ASCC3: variants seen among roughly 807,000 people sequenced by gnomAD.
ASCC3 encodes activating signal cointegrator 1 complex subunit 3, also known as ASC-1 complex subunit P200.
In ASCC3, 158 loss-of-function variants were observed where a neutral mutation model predicts 256.3. That is an observed-to-expected ratio of 0.62 (90% confidence interval 0.54 to 0.70). ASCC3 has a LOEUF of 0.70. ASCC3 is among the 30% of genes least tolerant of loss of function. The pLI is 0.00. For synonymous variants in ASCC3, 948 were observed against 883.4 expected (o/e 1.07, Z -1.30); for missense variants, 2,259 against 2,626.0 (o/e 0.86, Z 3.05).
chr6:100,800,187 C>T (rs1326211274), intron 6 of ASCC3, 113 bp downstream of exon 6: 10 of 1,141,144 alleles, frequency 8.8e-6, no homozygotes, highest in African/African-American at 1.5e-5. Context: ...ATGAAGAAAA[C>T]GTGACTTGAA....
At chr6:100,770,592 G>A (rs1042772949) in intron 8 of ASCC3, among the ~76,000 whole-genome samples, 2 of 151,848 alleles carry the variant, frequency 1.3e-5, no homozygotes, top group Non-Finnish European at 2.9e-5. Context: ...GTAAAAAATC[G>A]GATGGAATCT....
At chr6:100,531,471 G>A (rs1372484352) in intron 37 of ASCC3, among the ~76,000 whole-genome samples, 4 of 152,036 alleles carry the variant, frequency 2.6e-5, no homozygotes, top group Admixed American at 2.0e-4. Flanking sequence ...CTTAAACTAC[G>A]CTTTGGGCTA....
chr6:100,646,613 A>C lies in ASCC3; in HGVS notation c.3633+2T>G, dbSNP rs1191971068. On this transcript the variant is annotated splice_donor_variant, in intron 22 of 41. Transcript: ENST00000369162. LOFTEE classifies it high-confidence loss of function. ...ACAGATATAGCCGTTTTCCACTTCT[A>C]CCTGATCATTCCAAGTGAAATCAGC... The C allele has an allele frequency of 1.2e-6, 2 of 1,614,092 alleles. No individual in the cohort carries two copies. The highest frequency in any genetic ancestry group is 1.7e-6 in the Non-Finnish European group (2 of 1,179,970).
At chr6:100,653,022 C>G in intron 17 of ASCC3, 133 bp from the exon 18 acceptor site, 1 of 787,428 alleles carries the variant, frequency 1.3e-6, no homozygotes, top group South Asian at 1.8e-5. Context: ...TTTTAAAGTA[C>G]ATTTTTCTAC....
In ASCC3 at chr6:100,586,147, A is replaced by G. The variant is rs184169519; in HGVS notation, c.5550+3487T>C. 2.4e-4 allele frequency among the ~76,000 whole-genome samples: 36 copies of G among 152,282 alleles called. 1 individual carries two copies. In the East Asian group the frequency reaches 6.6e-3, roughly 28 times the overall value. On this transcript the variant is annotated intron_variant, in intron 36 of 41. Transcript: ENST00000369162. ...AGGGACATTTAAGTCTGCAGACGTTACTGCTATCTTTTTGTTTGTCTGTGC... is the reference window on the plus strand; with the variant it reads ...AGGGACATTTAAGTCTGCAGACGTTGCTGCTATCTTTTTGTTTGTCTGTGC...
chr6:100,682,531 G>T (rs1036040288), intron 13 of ASCC3, among the ~76,000 whole-genome samples: 1 of 152,180 alleles, frequency 6.6e-6, no homozygotes, highest in Admixed American at 6.5e-5. Context: ...AAGATAACAT[G>T]TGGATAACGT....
intron 37 of ASCC3, among the ~76,000 whole-genome samples, chr6:100,528,236 C>T (rs184813692): frequency 1.3e-5 from 2 of 152,188 alleles, no homozygotes; most frequent in East Asian, 3.9e-4. Flanking sequence ...AAATATAATA[C>T]TAGCTATGTG....
chr6:100,646,820 A>G (rs1328124240), intron 21 of ASCC3, 51 bp from the exon 22 acceptor site: 7 of 1,563,270 alleles, frequency 4.5e-6, no homozygotes, highest in South Asian at 2.2e-5. Context: ...GAAAAAAGCA[A>G]TATAATCTGA....
chr6:100,776,834 CTTAAGT>C (rs1434519606), intron 8 of ASCC3, among the ~76,000 whole-genome samples: 2 of 151,754 alleles, frequency 1.3e-5, no homozygotes, highest in African/African-American at 4.8e-5. Flanking sequence ...ATATCATAAG[CTTAAGT>C]TTAAGATAAT....
At chr6:100,530,838 A>G in intron 37 of ASCC3, 2 of 1,243,970 alleles carry the variant, frequency 1.6e-6, no homozygotes, top group Non-Finnish European at 2.4e-6. Context: ...AGTGCTTAAT[A>G]GAAGATTTAA....
intron 1 of ASCC3, among the ~76,000 whole-genome samples, chr6:100,880,435 T>C (rs903356716): frequency 1.2e-4 from 18 of 152,220 alleles, no homozygotes; most frequent in Admixed American, 7.2e-4. Flanking sequence ...GCCCCTAGAA[T>C]TATGCTTCTT....
At position 100,733,584 on chromosome 6, in the gene ASCC3, T is replaced by C. The variant is rs192985891; in HGVS notation, c.1738-7881A>G. ...TTGAACTTTCCAGCCACCAGAATTA[T>C]GAGCCAAATAAATACCTTTTCTTTA... is the stretch of plus-strand genomic sequence containing the variant. On this transcript the variant is annotated intron_variant, in intron 10 of 41. Coordinates refer to ENST00000369162, the MANE Select transcript of ASCC3 (RefSeq NM_006828.4). Among the ~76,000 whole-genome samples the C allele has an allele frequency of 2.3e-3, 357 of 152,282 alleles. 2 individuals are homozygous for C. Among genetic ancestry groups the C allele is most frequent in the Non-Finnish European group, 3.5e-3 (240 of 68,020 alleles).
At chr6:100,810,353 T>C (rs1770401702) in intron 4 of ASCC3, among the ~76,000 whole-genome samples, 2 of 152,200 alleles carry the variant, frequency 1.3e-5, no homozygotes, top group South Asian at 2.1e-4. Context: ...CTATGTTTTA[T>C]GGCAGTTAAA....
chr6:100,876,119 A>G (rs1562363913), intron 1 of ASCC3, among the ~76,000 whole-genome samples: 1 of 152,176 alleles, frequency 6.6e-6, no homozygotes. Context: ...CAACAAAAGC[A>G]TAGGTCTAGA....
chr6:100,679,319 G>A (rs926435923), intron 14 of ASCC3, among the ~76,000 whole-genome samples: 5 of 151,578 alleles, frequency 3.3e-5, no homozygotes, highest in Non-Finnish European at 4.4e-5. Flanking sequence ...ACAATAATAA[G>A]CCCATTAGAT....
chr6:100,603,796 G>A (rs1215012485), intron 33 of ASCC3, among the ~76,000 whole-genome samples: 1 of 151,976 alleles, frequency 6.6e-6, no homozygotes, highest in Non-Finnish European at 1.5e-5. Context: ...GCATGTGGTA[G>A]TAATATATTA....
intron 30 of ASCC3, among the ~76,000 whole-genome samples, chr6:100,622,570 A>G (rs762549655): frequency 2.6e-5 from 4 of 152,082 alleles, no homozygotes; most frequent in Non-Finnish European, 4.4e-5. Context: ...AGACTAATAC[A>G]CCTATGTAAC....
intron 16 of ASCC3, among the ~76,000 whole-genome samples, chr6:100,657,429 T>C (rs1387286571): frequency 2.0e-5 from 3 of 151,444 alleles, no homozygotes; most frequent in African/African-American, 7.2e-5. Context: ...TGAAACTAGT[T>C]TGGTGATATA....
rs375514276 is a variant in ASCC3, at chr6:100,642,519, A to G, written c.3901+62T>C. 3.4e-5 allele frequency: 52 copies of G among 1,551,274 alleles called. 1 individual carries two copies. In the South Asian group the frequency reaches 5.4e-4, roughly 16 times the overall value. On this transcript the variant is annotated intron_variant, in intron 24 of 41. Transcript: ENST00000369162. ...TTTATTACGGTGTAGACATTTTTCA[A>G]CATTAATTAAAACAACCATTTTGGA...
Sources: allele counts gnomAD v4.1 joint callset (sites outside exome capture counted in the v4.1 genomes callset), GRCh38; gene constraint gnomAD v4.1.1; transcripts MANE v1.5; gene names NCBI Gene and HGNC (gene_info 2026-07-23, HGNC 2026-07-21).